CRIM1: variants seen among roughly 807,000 people sequenced by gnomAD.
CRIM1 encodes cysteine-rich motor neuron 1 protein.
Under a neutral mutation model 116.4 loss-of-function variants are expected in CRIM1, and 32 were observed. That is an observed-to-expected ratio of 0.27 (90% CI 0.21 to 0.37). The LOEUF (loss-of-function observed/expected upper bound fraction) is 0.37, where lower values mean the gene tolerates loss of function less well. Ranked by LOEUF, CRIM1 falls within the 10% of genes least tolerant of loss-of-function variation. The pLI is 1.00. For missense variants in CRIM1, 1,331 were observed against 1,354.8 expected (o/e 0.98, Z 0.28); for synonymous variants, 590 against 509.2 (o/e 1.16, Z -2.13).
chr2:36,550,472 A>C lies in CRIM1; in HGVS notation c.*1771A>C, dbSNP rs1210059610. 1.3e-5 allele frequency: 2 copies of C among 152,550 alleles called. No homozygotes were observed. Among genetic ancestry groups the C allele is most frequent in the African/African-American group, 4.8e-5 (2 of 41,432 alleles). The allele number at this position is 152,550 out of a possible 1,614,324, so 9.4% of individuals were successfully genotyped here. ...CCAGTATGCTTAACGTGAAAAGAAA[A>C]TGTGTTCTGTTTTGTAAAGGAACTT... On this transcript the variant is annotated 3_prime_UTR_variant, in exon 17 of 17. Transcript: ENST00000280527.
At chr2:36,485,966 A>G (rs1396546287) in intron 7 of CRIM1, among the ~76,000 whole-genome samples, 2 of 152,250 alleles carry the variant, frequency 1.3e-5, no homozygotes, top group Non-Finnish European at 2.9e-5. Context: ...ATAAGGTCAT[A>G]TGTTGGGTAA....
In CRIM1 at chr2:36,533,383, G is replaced by A. The variant is rs143826899; in HGVS notation, c.2429-3969G>A. ...GCAGGTAGCTAGCTTGAGGCCAGGA[G>A]TTCAAGACCAGCCTGGCCAACACAA... On this transcript the variant is annotated intron_variant, in intron 13 of 16. Coordinates refer to ENST00000280527, the MANE Select transcript of CRIM1 (RefSeq NM_016441.3). 9.6e-3 allele frequency among the ~76,000 whole-genome samples: 1,333 copies of A among 138,724 alleles called. 10 individuals are homozygous for A. Among genetic ancestry groups the A allele is most frequent in the Non-Finnish European group, 0.013 (890 of 66,238 alleles). 91.0% of individuals were successfully genotyped at this position (138,724 alleles called of 152,430 possible).
chr2:36,403,038 G>A (rs1672534424), intron 2 of CRIM1, among the ~76,000 whole-genome samples: 1 of 152,136 alleles, frequency 6.6e-6, no homozygotes, highest in Non-Finnish European at 1.5e-5. Flanking sequence ...TCCAGAAAAA[G>A]TTATAACCTC....
chr2:36,479,253 G>C (rs140833425), intron 6 of CRIM1, among the ~76,000 whole-genome samples: 36 of 152,288 alleles, frequency 2.4e-4, no homozygotes, highest in African/African-American at 8.7e-4. Context: ...CTGCACATTG[G>C]TTTTTAGACT....
chr2:36,549,456 T>TG lies in CRIM1; in HGVS notation c.*756dup, dbSNP rs1185277713. The TG allele has an allele frequency of 6.7e-6, 1 of 150,322 alleles. No individual in the cohort carries two copies. Among genetic ancestry groups the TG allele is most frequent in the Non-Finnish European group, 1.5e-5 (1 of 67,674 alleles). 9.3% of individuals were successfully genotyped at this position (150,322 alleles called of 1,614,324 possible). On this transcript the variant is annotated 3_prime_UTR_variant, in exon 17 of 17. Coordinates refer to ENST00000280527, the MANE Select transcript of CRIM1 (RefSeq NM_016441.3). ...CATGAACAAGATCTAAGTCATTTCT[T>TG]GATGTGAGCACTGGAGCTTTTTTTT...
intron 7 of CRIM1, among the ~76,000 whole-genome samples, chr2:36,483,329 T>G (rs1679564975): frequency 6.6e-6 from 1 of 152,212 alleles, no homozygotes. Context: ...ACGGCAGAAT[T>G]AGGTCTTCAT....
At position 36,398,298 on chromosome 2, in the gene CRIM1, C is replaced by A. The variant is rs897674239; in HGVS notation, c.505+1511C>A. ...CAGGCCCCCTTCCAGGTCATTTAAT[C>A]CCCTGCTCCTGAACATGCCCTCTTC... On this transcript the variant is annotated intron_variant, in intron 2 of 16. Transcript: ENST00000280527. Among the ~76,000 whole-genome samples, 4 of 152,124 alleles carry A rather than the reference C, an allele frequency of 2.6e-5. 1 individual carries two copies. The highest frequency in any genetic ancestry group is 2.6e-4 in the Admixed American group (4 of 15,272).
chr2:36,442,143 C>T (rs901304262), intron 3 of CRIM1, among the ~76,000 whole-genome samples: 21 of 152,114 alleles, frequency 1.4e-4, no homozygotes, highest in African/African-American at 5.1e-4. Context: ...GCAGCATTTC[C>T]GATGTGGTCT....
chr2:36,490,049 C>T (rs973865240), intron 7 of CRIM1, among the ~76,000 whole-genome samples: 5 of 152,138 alleles, frequency 3.3e-5, no homozygotes, highest in African/African-American at 1.2e-4. Flanking sequence ...ATGCTTTTCA[C>T]GTTATCAGTG....
chr2:36,511,122 T>A (rs1327227520), intron 9 of CRIM1, among the ~76,000 whole-genome samples: 2 of 152,040 alleles, frequency 1.3e-5, no homozygotes, highest in East Asian at 3.9e-4. Flanking sequence ...TTGTATTTTT[T>A]GGAGAGATGG....
At chr2:36,471,382 G>A (rs1205583580) in intron 5 of CRIM1, among the ~76,000 whole-genome samples, 1 of 152,056 alleles carries the variant, frequency 6.6e-6, no homozygotes, top group East Asian at 1.9e-4. Context: ...TAGTCAATGT[G>A]GCAAACTTCA....
chr2:36,421,002 C>T (rs181267888), intron 2 of CRIM1, among the ~76,000 whole-genome samples: 1 of 152,320 alleles, frequency 6.6e-6, no homozygotes, highest in East Asian at 1.9e-4. Flanking sequence ...ACATTGGCAG[C>T]TGAGACCTCT....
chr2:36,550,041 A>ATG lies in CRIM1; in HGVS notation c.*1365_*1366dup, dbSNP rs71396495. ...GAAAGATGTGTGTGTGAGAGTATGTATGTGTGTGTGTGTGTGTGTGTGTGT... is the reference window on the plus strand; with the variant it reads ...GAAAGATGTGTGTGTGAGAGTATGTATGTGTGTGTGTGTGTGTGTGTGTGTGT... On this transcript the variant is annotated 3_prime_UTR_variant, in exon 17 of 17. Coordinates refer to ENST00000280527, the MANE Select transcript of CRIM1 (RefSeq NM_016441.3). The ATG allele has an allele frequency of 0.039, 5,724 of 146,578 alleles. 142 individuals are homozygous for ATG. The highest frequency in any genetic ancestry group is 0.067 in the African/African-American group (2,646 of 39,414). The allele number at this position is 146,578 out of a possible 1,614,324, so 9.1% of individuals were successfully genotyped here. A position where few individuals can be genotyped will look rare whatever the true frequency, so the allele number is the denominator to read the frequency against.
chr2:36,517,906 A>G (rs1312628781), intron 12 of CRIM1, among the ~76,000 whole-genome samples: 1 of 152,228 alleles, frequency 6.6e-6, no homozygotes, highest in Non-Finnish European at 1.5e-5. Flanking sequence ...TTATGTAACA[A>G]ATGAGAAGAA....
At chr2:36,490,264 C>A (rs1202637208) in intron 7 of CRIM1, among the ~76,000 whole-genome samples, 1 of 152,026 alleles carries the variant, frequency 6.6e-6, no homozygotes, top group East Asian at 1.9e-4. Context: ...TTGCTGTCAC[C>A]CTTACAGTAT....
chr2:36,495,009 C>T (rs1488100374), intron 7 of CRIM1, among the ~76,000 whole-genome samples: 1 of 152,184 alleles, frequency 6.6e-6, no homozygotes, highest in African/African-American at 2.4e-5. Context: ...GAACATTTCT[C>T]TCCTTTGAAA....
intron 1 of CRIM1, among the ~76,000 whole-genome samples, chr2:36,362,918 C>A (rs1456905557): frequency 6.6e-6 from 1 of 152,120 alleles, no homozygotes; most frequent in Non-Finnish European, 1.5e-5. Context: ...GAACTTGGGG[C>A]CGGCCGTGGT....
rs1352904240 is a variant in CRIM1, at chr2:36,515,730, GGCAAAAAGGTGAGCCAGAA to G, written c.1991-1596_1991-1578del. Among the ~76,000 whole-genome samples the G allele has an allele frequency of 2.0e-5, 3 of 152,248 alleles. No individual in the cohort carries two copies. The East Asian group carries it at 5.8e-4, about 29-fold the overall frequency. ...TGTTTTGCCTTGAGGCATATCGTAC[GGCAAAAAGGTGAGCCAGAA>G]AGCATACCTGCAAACACGCACGTCA... is the stretch of plus-strand genomic sequence containing the variant. On this transcript the variant is annotated intron_variant, in intron 11 of 16. Coordinates refer to ENST00000280527, the MANE Select transcript of CRIM1 (RefSeq NM_016441.3).
chr2:36,441,640 A>G, intron 3 of CRIM1, 140 bp downstream of exon 3: 1 of 1,086,236 alleles, frequency 9.2e-7, no homozygotes, highest in Non-Finnish European at 1.3e-6. Flanking sequence ...ACTTTGGGCT[A>G]ATGGCAGCTT....
Sources: gnomAD v4.1 joint callset for allele counts (sites outside exome capture counted in the v4.1 genomes callset) on GRCh38, gnomAD v4.1.1 for gene constraint, MANE v1.5 for transcripts, NCBI Gene and HGNC (gene_info 2026-07-23, HGNC 2026-07-21) for gene names.